Variants in GALNT13 observed in about 807,000 individuals in gnomAD.
GALNT13 encodes UDP-GalNAc:polypeptide N-acetylgalactosaminyltransferase 13.
In GALNT13, 28 loss-of-function variants were observed where a neutral mutation model predicts 64.2. The observed-to-expected ratio is 0.44, with a 90% CI of 0.32 to 0.60. GALNT13 has a LOEUF of 0.60. Ranked by LOEUF, GALNT13 falls within the 20% of genes least tolerant of loss-of-function variation. The probability of loss-of-function intolerance (pLI) is 0.05; values close to 1 mark genes in which losing one functional copy is unlikely to be tolerated. For synonymous variants in GALNT13, 214 were observed against 224.6 expected, an observed-to-expected ratio of 0.95 and a Z score of 0.42; for missense variants, 577 against 669.8, an observed-to-expected ratio of 0.86 and a Z score of 1.53.
chr2:153,636,678 C>T, the GALNT13 span, among the ~76,000 whole-genome samples: 3 of 152,128 alleles, frequency 2.0e-5, no homozygotes, highest in Non-Finnish European at 2.9e-5. Context: ...GCTTCTCTTC[C>T]TTCTAGTAGG....
At chr2:153,802,359 T>A in the GALNT13 span, among the ~76,000 whole-genome samples, 1 of 152,226 alleles carries the variant, frequency 6.6e-6, no homozygotes, top group Non-Finnish European at 1.5e-5. Flanking sequence ...CATATTATAA[T>A]GAAAATCACA....
chr2:153,950,314 A>G (rs1692082301), intron 3 of GALNT13, among the ~76,000 whole-genome samples: 1 of 152,064 alleles, frequency 6.6e-6, no homozygotes, highest in African/African-American at 2.4e-5. Flanking sequence ...AACTGAAGTG[A>G]CACTTCATAG....
chr2:153,711,922 A>C, the GALNT13 span, among the ~76,000 whole-genome samples: 27 of 152,328 alleles, frequency 1.8e-4, no homozygotes, highest in African/African-American at 6.3e-4. Context: ...ATCCCACTAC[A>C]TGCTGAGAAG....
chr2:154,308,566 G>T (rs759450567), intron 9 of GALNT13, among the ~76,000 whole-genome samples: 2 of 152,070 alleles, frequency 1.3e-5, no homozygotes, highest in Non-Finnish European at 2.9e-5. Context: ...GAATATTTTT[G>T]TAATAATCTA....
chr2:153,425,094 TTAC>T, the GALNT13 span, among the ~76,000 whole-genome samples: 1 of 151,752 alleles, frequency 6.6e-6, no homozygotes, highest in Non-Finnish European at 1.5e-5. Flanking sequence ...ATATTTATGT[TTAC>T]TAAGAGTACA....
intron 3 of GALNT13, among the ~76,000 whole-genome samples, chr2:154,106,495 A>C (rs1331041730): frequency 1.3e-5 from 2 of 152,002 alleles, no homozygotes; most frequent in African/African-American, 4.8e-5. Context: ...ATATATTTAC[A>C]TGAGTATATT....
intron 2 of GALNT13, among the ~76,000 whole-genome samples, chr2:153,903,826 C>A (rs1688389463): frequency 6.6e-6 from 1 of 151,892 alleles, no homozygotes; most frequent in African/African-American, 2.4e-5. Flanking sequence ...CAATGATTTT[C>A]ACAAGCAAAG....
At chr2:154,022,726 G>C (rs984429760) in intron 3 of GALNT13, among the ~76,000 whole-genome samples, 1 of 152,022 alleles carries the variant, frequency 6.6e-6, no homozygotes, top group African/African-American at 2.4e-5. Flanking sequence ...GTTATTTCTT[G>C]CCTTCTCCTA....
the GALNT13 span, among the ~76,000 whole-genome samples, chr2:153,559,360 C>T: frequency 6.6e-6 from 1 of 152,038 alleles, no homozygotes; most frequent in Non-Finnish European, 1.5e-5. Flanking sequence ...TTTCACCATG[C>T]CACAGTTTAG....
chr2:153,238,633 G>A, the GALNT13 span, among the ~76,000 whole-genome samples: 24,758 of 151,968 alleles, frequency 0.16, 2,282 homozygotes, highest in Non-Finnish European at 0.21. Context: ...TAGAAAATGA[G>A]TTCACTGTAG....
At chr2:153,937,927 T>A (rs1341696006) in intron 2 of GALNT13, among the ~76,000 whole-genome samples, 1 of 152,136 alleles carries the variant, frequency 6.6e-6, no homozygotes, top group Non-Finnish European at 1.5e-5. Flanking sequence ...GCCTGTGAAG[T>A]TTAAGAGAGA....
At chr2:153,253,059 G>A in the GALNT13 span, among the ~76,000 whole-genome samples, 1 of 151,764 alleles carries the variant, frequency 6.6e-6, no homozygotes, top group Non-Finnish European at 1.5e-5. Flanking sequence ...ATTACCTTGG[G>A]CAGTATGGCC....
intron 8 of GALNT13, among the ~76,000 whole-genome samples, chr2:154,285,300 TATC>T (rs1391989475): frequency 6.6e-6 from 1 of 152,202 alleles, no homozygotes; most frequent in Non-Finnish European, 1.5e-5. Context: ...CCCAGACTAA[TATC>T]ATGGAGTTTT....
the GALNT13 span, among the ~76,000 whole-genome samples, chr2:153,764,133 G>A: frequency 3.9e-5 from 6 of 152,322 alleles, no homozygotes; most frequent in East Asian, 5.8e-4. Context: ...GTTGCTGTGC[G>A]TAGAGATTGG....
intron 9 of GALNT13, among the ~76,000 whole-genome samples, chr2:154,347,246 G>A (rs1696119224): frequency 1.3e-5 from 2 of 151,892 alleles, no homozygotes; most frequent in South Asian, 2.1e-4. Flanking sequence ...CTGCATCCTT[G>A]CTATTGCCCG....
At chr2:153,515,923 C>T in the GALNT13 span, among the ~76,000 whole-genome samples, 11 of 152,280 alleles carry the variant, frequency 7.2e-5, no homozygotes, top group Non-Finnish European at 1.3e-4. Context: ...TCCACTATGG[C>T]TGCTGTTAGA....
the GALNT13 span, among the ~76,000 whole-genome samples, chr2:153,202,929 ATT>A: frequency 4.0e-4 from 61 of 152,226 alleles, 1 homozygote; most frequent in Middle Eastern, 0.01. Context: ...CAATTGATTG[ATT>A]TTATTTTGTA....
chr2:153,957,884 T>A (rs1028124012), intron 3 of GALNT13, among the ~76,000 whole-genome samples: 1 of 152,236 alleles, frequency 6.6e-6, no homozygotes, highest in South Asian at 2.1e-4. Context: ...TTGTAAGTCA[T>A]GATGAGTTAA....
At chr2:153,251,570 C>T in the GALNT13 span, among the ~76,000 whole-genome samples, 1 of 151,550 alleles carries the variant, frequency 6.6e-6, no homozygotes, top group Non-Finnish European at 1.5e-5. Context: ...GCTGCACCCA[C>T]TGACTCGTCA....
Sources: gnomAD v4.1 joint callset for allele counts (sites outside exome capture counted in the v4.1 genomes callset) on GRCh38, gnomAD v4.1.1 for gene constraint, MANE v1.5 for transcripts, NCBI Gene and HGNC (gene_info 2026-07-23, HGNC 2026-07-21) for gene names.